Variants in SIGLEC7 observed in about 807,000 individuals in gnomAD.
The protein encoded by SIGLEC7 is sialic acid-binding Ig-like lectin 7.
SIGLEC7 carries 33 observed loss-of-function variants against 40.8 expected under a neutral mutation model. The observed-to-expected ratio is 0.81, with a 90% confidence interval of 0.61 to 1.08. The LOEUF (loss-of-function observed/expected upper bound fraction) is 1.08. Among genes scored for constraint, SIGLEC7 ranks in the 50% least tolerant of loss-of-function variants. The pLI, the probability that SIGLEC7 is intolerant of heterozygous loss-of-function variation, is 0.00. For synonymous variants in SIGLEC7, 242 were observed against 237.6 expected (o/e 1.02, Z -0.17); for missense variants, 513 against 576.1 (o/e 0.89, Z 1.12).
chr19:51,144,711 T>A, intron 2 of SIGLEC7, 27 bp downstream of exon 2: 1 of 1,607,680 alleles, frequency 6.2e-7, no homozygotes, highest in Non-Finnish European at 8.5e-7. Context: ...GACGCCCTGG[T>A]CCCTGATGAG....
chr19:51,153,065 T>C lies in SIGLEC7; in HGVS notation c.1224T>C (p.Gly408=). 6.4e-7 allele frequency: 1 copy of C among 1,559,976 alleles called. No individual in the cohort carries two copies. The highest frequency in any genetic ancestry group is 8.7e-7 in the Non-Finnish European group (1 of 1,153,312). ...CTCTCTTCTCTCTCTCCATTCAGGG[T>C]AACCTGACTGAGTCCTGGGCAGATG... ...ANTIRGSASQ[G]NLTESWADDN... Residue 408 remains glycine (G), a splice_region_variant and synonymous_variant, in exon 7 of 7, where the codon GGT becomes GGC. Transcript: ENST00000317643.
chr19:51,150,574 A>C (rs1316079566), intron 6 of SIGLEC7, among the ~76,000 whole-genome samples: 1 of 152,164 alleles, frequency 6.6e-6, no homozygotes, highest in African/African-American at 2.4e-5. Flanking sequence ...TTCATCAAGG[A>C]TATTGGCCCG....
Position 51,144,908 on chromosome 19 carries a change from C to T in SIGLEC7, c.713-4C>T. On this transcript the variant is annotated splice_region_variant and splice_polypyrimidine_tract_variant and intron_variant, in intron 2 of 6. Coordinates refer to ENST00000317643, the MANE Select transcript of SIGLEC7 (RefSeq NM_014385.4). ...ATGCAGGTCTCCATGTCTTTCTGTCCCAGACCCTCCTCAGAACTTGACTGT... is the reference window on the plus strand; with the variant it reads ...ATGCAGGTCTCCATGTCTTTCTGTCTCAGACCCTCCTCAGAACTTGACTGT... The T allele has an allele frequency of 1.2e-6, 2 of 1,613,982 alleles. No homozygotes were observed. The highest frequency in any genetic ancestry group is 1.1e-5 in the South Asian group (1 of 91,070).
chr19:51,147,509 G>A (rs1249509096), intron 6 of SIGLEC7, among the ~76,000 whole-genome samples, 192 bp downstream of exon 6: 1 of 151,952 alleles, frequency 6.6e-6, no homozygotes. Context: ...ACTTTCTCTC[G>A]GGCCAGGCAT....
chr19:51,151,016 T>A (rs1455694418), intron 6 of SIGLEC7, among the ~76,000 whole-genome samples: 6 of 152,058 alleles, frequency 3.9e-5, no homozygotes, highest in Non-Finnish European at 7.4e-5. Context: ...CAACTTTCAT[T>A]TTCATGGGAT....
At chr19:51,152,955 A>G (rs2092153617) in intron 6 of SIGLEC7, 108 bp from the exon 7 acceptor site, 2 of 828,658 alleles carry the variant, frequency 2.4e-6, no homozygotes, top group Non-Finnish European at 3.5e-6. Context: ...TTAATTCTAT[A>G]CAGAGGAATA....
At position 51,146,751 on chromosome 19, in the gene SIGLEC7, C is replaced by T; in HGVS notation, c.1028-3C>T. 6.2e-7 allele frequency: 1 copy of T among 1,612,912 alleles called. No homozygotes were observed. Among genetic ancestry groups the T allele is most frequent in the Non-Finnish European group, 8.5e-7 (1 of 1,179,334 alleles). On this transcript the variant is annotated splice_region_variant and splice_polypyrimidine_tract_variant and intron_variant, in intron 4 of 6. Coordinates refer to ENST00000317643, the MANE Select transcript of SIGLEC7 (RefSeq NM_014385.4). ...CACCAAAACAATTCCAATCCATCCT[C>T]AGGCAAAATGAGGCCTGTATCAGGA... is the stretch of plus-strand genomic sequence containing the variant.
chr19:51,148,277 G>T (rs939787197), intron 6 of SIGLEC7, among the ~76,000 whole-genome samples: 2 of 152,150 alleles, frequency 1.3e-5, no homozygotes, highest in African/African-American at 4.8e-5. Context: ...AGATTATTTT[G>T]TCACCCAGGT....
intron 6 of SIGLEC7, chr19:51,152,808 T>C (rs1470178926): frequency 4.2e-6 from 1 of 237,108 alleles, no homozygotes; most frequent in Non-Finnish European, 8.1e-6. Context: ...ACTTTCTTCA[T>C]GGAGTTGTTG....
Position 51,144,587 on chromosome 19 carries a change from C to T in SIGLEC7, c.615C>T (p.Ile205=), listed in dbSNP as rs759333578. 4.2e-5 allele frequency: 67 copies of T among 1,613,742 alleles called. 4 individuals carry two copies. The Middle Eastern group carries it at 6.8e-3, about 163-fold the overall frequency. The stretch of plus-strand genomic sequence containing the variant: ...CCCGCTCCTCAGTGCTCACCCTCAT[C>T]CCACAGCCCCAGCACCACGGCACCA... The part of the protein sequence containing the change: ...STTRSSVLTL[I]PQPQHHGTSL... The change falls in exon 2 of 7, where the codon ATC becomes ATT. Residue 205 remains isoleucine, a synonymous_variant. Transcript: ENST00000317643.
chr19:51,147,103 C>T (rs2092113486), intron 5 of SIGLEC7, 118 bp from the exon 6 acceptor site: 1 of 1,478,786 alleles, frequency 6.8e-7, no homozygotes, highest in Non-Finnish European at 9.2e-7. Flanking sequence ...ACTGGACCAC[C>T]CTCCTCCCAC....
At chr19:51,150,182 G>A (rs1165689100) in intron 6 of SIGLEC7, among the ~76,000 whole-genome samples, 4 of 152,120 alleles carry the variant, frequency 2.6e-5, no homozygotes, top group Non-Finnish European at 5.9e-5. Flanking sequence ...CCAATACTAC[G>A]TTAAACAGGA....
At chr19:51,152,286 T>G (rs1239936369) in intron 6 of SIGLEC7, among the ~76,000 whole-genome samples, 2 of 152,200 alleles carry the variant, frequency 1.3e-5, no homozygotes, top group Non-Finnish European at 2.9e-5. Context: ...GTCATTCCAC[T>G]GGGCCCACCC....
rs1045936844 is a variant in SIGLEC7, at chr19:51,145,461, C to A, written c.761-394C>A. On this transcript the variant is annotated intron_variant, in intron 3 of 6. Transcript: ENST00000317643. This position sits in a 1 kb window ranked among gnomAD's most constrained non-coding sequence, Gnocchi z 4.3. ...TCAGCAGTGAGACTGTTTGCACCCTCTTCTAGGGATGTGTGTGATTCCACT... is the reference window on the plus strand; with the variant it reads ...TCAGCAGTGAGACTGTTTGCACCCTATTCTAGGGATGTGTGTGATTCCACT... 6.6e-6 allele frequency among the ~76,000 whole-genome samples: 1 copy of A among 152,180 alleles called. No individual in the cohort carries two copies. The highest frequency in any genetic ancestry group is 2.4e-5 in the African/African-American group (1 of 41,436).
intron 6 of SIGLEC7, among the ~76,000 whole-genome samples, chr19:51,152,054 G>T (rs564297288): frequency 6.6e-6 from 1 of 152,124 alleles, no homozygotes; most frequent in Non-Finnish European, 1.5e-5. Context: ...AGTTCTGAAG[G>T]TCACAACCCC....
In SIGLEC7 at chr19:51,153,342, T is replaced by A. The variant is rs2092157516; in HGVS notation, c.*97T>A. The A allele has an allele frequency of 3.1e-6, 3 of 970,576 alleles. No homozygotes were observed. Among genetic ancestry groups the A allele is most frequent in the Non-Finnish European group, 4.4e-6 (3 of 676,692 alleles). 60.1% of individuals were successfully genotyped at this position (970,576 alleles called of 1,614,324 possible). ...GTAGAATTAGCAGCCCTCAATGCTG[T>A]GCAACAAGACATCAGAACTTATTCC... On this transcript the variant is annotated 3_prime_UTR_variant, in exon 7 of 7. Transcript: ENST00000317643.
Position 51,145,763 on chromosome 19 carries a change from C to T in SIGLEC7, c.761-92C>T. ...AGTATGTCCCTGCACCAGCCTACAT[C>T]ACTCTCTGTTCCATTCCCCAGTCTC... On this transcript the variant is annotated intron_variant, in intron 3 of 6. Transcript: ENST00000317643. The surrounding 1 kb of genome is among the most constrained non-coding windows in gnomAD (Gnocchi z 4.3). The T allele has an allele frequency of 1.4e-6, 2 of 1,443,422 alleles. No individual in the cohort carries two copies. The highest frequency in any genetic ancestry group is 3.6e-5 in the Admixed American group (2 of 55,634). 89.4% of individuals were successfully genotyped at this position (1,443,422 alleles called of 1,614,324 possible).
At position 51,144,813 on chromosome 19, in the gene SIGLEC7, C is replaced by T. The variant is rs111486292; in HGVS notation, c.713-99C>T. ...TGGGCTGGTTGTGGGATCAGGAGGA[C>T]GCTGGCTCCGCCTTCCCCATTTATG... On this transcript the variant is annotated intron_variant, in intron 2 of 6. Transcript: ENST00000317643. 64 of 1,575,772 alleles carry T rather than the reference C, an allele frequency of 4.1e-5. No individual in the cohort carries two copies. In the Middle Eastern group the frequency reaches 5.7e-4, roughly 14 times the overall value.
At chr19:51,149,456 T>G (rs1265354288) in intron 6 of SIGLEC7, among the ~76,000 whole-genome samples, 1 of 152,178 alleles carries the variant, frequency 6.6e-6, no homozygotes, top group Non-Finnish European at 1.5e-5. Context: ...GAAGATCAAA[T>G]TGTTGTAGGT....
Sources: gnomAD v4.1 joint callset for allele counts (sites outside exome capture counted in the v4.1 genomes callset) on GRCh38, gnomAD v4.1.1 for gene constraint, Gnocchi (gnomAD v3.1) non-coding constraint, MANE v1.5 for transcripts, NCBI Gene and HGNC (gene_info 2026-07-23, HGNC 2026-07-21) for gene names.